Variants in MECOM observed in about 807,000 individuals in gnomAD.
The protein encoded by MECOM is MDS1 and EVI1 complex locus.
A neutral mutation model predicts 116.3 loss-of-function variants in MECOM; 13 were observed. That is an observed-to-expected ratio of 0.11 (90% confidence interval 0.07 to 0.18). The LOEUF is 0.18. Among genes scored for constraint, MECOM ranks in the 10% least tolerant of loss-of-function variants. The pLI is 1.00. For synonymous variants in MECOM, 528 were observed against 535.2 expected, an observed-to-expected ratio of 0.99 and a Z score of 0.19; for missense variants, 1,299 against 1,509.0, an observed-to-expected ratio of 0.86 and a Z score of 2.31.
Position 169,245,236 on chromosome 3 carries a change from T to C in MECOM, c.376-101404A>G, listed in dbSNP as rs571612758. On this transcript the variant is annotated intron_variant, in intron 2 of 16. Transcript: ENST00000651503. ...AAATATAATATTATTAATAGAAGTA[T>C]CAATAATGAAATATGCGAAAAACAA... Among the ~76,000 whole-genome samples, 6 of 152,162 alleles carry C rather than the reference T, an allele frequency of 3.9e-5. No homozygotes were observed. In the South Asian group the frequency reaches 8.3e-4, roughly 21 times the overall value.
intron 2 of MECOM, among the ~76,000 whole-genome samples, chr3:169,175,423 A>T (rs1353110912): frequency 6.6e-6 from 1 of 152,178 alleles, no homozygotes. Flanking sequence ...AATTACTAAA[A>T]ATATTCTATA....
intron 2 of MECOM, among the ~76,000 whole-genome samples, chr3:169,334,038 T>G (rs959426185): frequency 6.6e-6 from 1 of 152,058 alleles, no homozygotes; most frequent in Non-Finnish European, 1.5e-5. Context: ...TTAATAACAC[T>G]TTCTTAAAAA....
At position 169,492,673 on chromosome 3, in the gene MECOM, C is replaced by T. The variant is rs1469911487; in HGVS notation, c.38-111149G>A. On this transcript the variant is annotated intron_variant, in intron 1 of 16. Transcript: ENST00000651503. ...AATGGAGTAACCAGTAAAATTAACT[C>T]ATATTAGGCCCGGCATGGTGTCTCA... Among the ~76,000 whole-genome samples, 3 of 152,142 alleles carry T rather than the reference C, an allele frequency of 2.0e-5. No individual in the cohort carries two copies. In the East Asian group the frequency reaches 5.8e-4, roughly 29 times the overall value.
intron 2 of MECOM, among the ~76,000 whole-genome samples, chr3:169,367,319 G>C (rs542922207): frequency 2.0e-5 from 3 of 150,760 alleles, no homozygotes; most frequent in African/African-American, 7.4e-5. Context: ...CCCCTGTGAT[G>C]TTTCTAGAAA....
intron 2 of MECOM, among the ~76,000 whole-genome samples, chr3:169,341,702 T>C (rs1470637876): frequency 2.1e-5 from 3 of 140,384 alleles, no homozygotes; most frequent in Admixed American, 7.8e-5. Context: ...ATCGCACCAC[T>C]GCACTCCAGC....
At chr3:169,306,483 G>T (rs905216744) in intron 2 of MECOM, among the ~76,000 whole-genome samples, 1 of 152,134 alleles carries the variant, frequency 6.6e-6, no homozygotes, top group Non-Finnish European at 1.5e-5. Context: ...GGAGTTTGAG[G>T]CCAGCCTGGC....
intron 1 of MECOM, among the ~76,000 whole-genome samples, chr3:169,408,528 T>C (rs1481519254): frequency 1.3e-5 from 2 of 152,234 alleles, no homozygotes; most frequent in Non-Finnish European, 2.9e-5. Flanking sequence ...TGAAGAGTTC[T>C]CACTAAGAAG....
In MECOM at chr3:169,322,853, CCAG is replaced by C. The variant is rs1285561216; in HGVS notation, c.375+58331_375+58333del. Among the ~76,000 whole-genome samples the C allele has an allele frequency of 1.3e-4, 20 of 151,750 alleles. 1 individual carries two copies. Among genetic ancestry groups the C allele is most frequent in the African/African-American group, 4.8e-4 (20 of 41,318 alleles). ...TCTCTAATAAAAATACAAAAATTAGCCAGCCATGTTGGCATACACCTGTAATCC... is the reference window on the plus strand; with the variant it reads ...TCTCTAATAAAAATACAAAAATTAGCCCATGTTGGCATACACCTGTAATCC... On this transcript the variant is annotated intron_variant, in intron 2 of 16. Coordinates refer to ENST00000651503, the MANE Select transcript of MECOM (RefSeq NM_004991.4).
chr3:169,474,322 C>A (rs572717228), intron 1 of MECOM, among the ~76,000 whole-genome samples: 2 of 152,296 alleles, frequency 1.3e-5, no homozygotes, highest in South Asian at 4.1e-4. Flanking sequence ...ATGCTCCATA[C>A]TAGAAAAAGC....
At chr3:169,528,867 G>A (rs1758250133) in intron 1 of MECOM, among the ~76,000 whole-genome samples, 1 of 152,162 alleles carries the variant, frequency 6.6e-6, no homozygotes, top group African/African-American at 2.4e-5. Flanking sequence ...TCCAGGAAGG[G>A]GAATTCTATG....
At chr3:169,455,685 T>C (rs2108697212) in intron 1 of MECOM, among the ~76,000 whole-genome samples, 1 of 152,298 alleles carries the variant, frequency 6.6e-6, no homozygotes, top group South Asian at 2.1e-4. Flanking sequence ...CTACAAGCCA[T>C]GCATGGAGCA....
intron 1 of MECOM, among the ~76,000 whole-genome samples, chr3:169,604,961 T>G (rs6763160): frequency 0.26 from 38,799 of 152,074 alleles, 5,527 homozygotes; most frequent in Non-Finnish European, 0.33. Context: ...AGAATGAAAT[T>G]AGTATCTCTT....
chr3:169,112,839 G>A lies in MECOM; in HGVS notation c.2525C>T (p.Ala842Val). The change falls in exon 9 of 17, where the codon GCT becomes GTT. Residue 842 changes from alanine (A) to valine (V), a missense_variant. Around this residue, in one of 6 missense-constraint regions of MECOM, gnomAD observed 340 missense variants for 312.6 expected, o/e 1.09. Transcript: ENST00000651503. ...EKRKLTDPLE[A>V]LKEKYLRPSP... is the part of the protein sequence containing the mutation. Reference sequence around the variant, plus strand: ...AGGCCTCAAGTATTTCTCTTTTAAAGCTTCAAGTGGGTCAGTTAGTTTTCT... The same window carrying A: ...AGGCCTCAAGTATTTCTCTTTTAAAACTTCAAGTGGGTCAGTTAGTTTTCT... The A allele has an allele frequency of 6.2e-7, 1 of 1,613,022 alleles. No homozygotes were observed. The highest frequency in any genetic ancestry group is 8.5e-7 in the Non-Finnish European group (1 of 1,179,360).
chr3:169,448,204 T>G (rs1744972298), intron 1 of MECOM, among the ~76,000 whole-genome samples: 1 of 152,204 alleles, frequency 6.6e-6, no homozygotes, highest in Admixed American at 6.5e-5. Flanking sequence ...AGCTCCTTGA[T>G]CTAATATACT....
At chr3:169,143,598 G>T (rs1738791094) in intron 3 of MECOM, 100 bp downstream of exon 3, 3 of 1,158,412 alleles carry the variant, frequency 2.6e-6, no homozygotes, top group East Asian at 2.7e-5. Context: ...CAACAAACAG[G>T]CCACAAGGGT....
chr3:169,322,682 T>C (rs531069411), intron 2 of MECOM, among the ~76,000 whole-genome samples: 7 of 151,802 alleles, frequency 4.6e-5, no homozygotes, highest in African/African-American at 1.7e-4. Context: ...TAAAGGTAAA[T>C]GATACCAATT....
intron 1 of MECOM, among the ~76,000 whole-genome samples, chr3:169,550,071 G>A (rs1006714184): frequency 2.0e-5 from 3 of 152,154 alleles, no homozygotes; most frequent in Non-Finnish European, 4.4e-5. Context: ...TTTGAATGAT[G>A]AGGAAGGGGA....
At chr3:169,374,527 C>T (rs565601218) in intron 2 of MECOM, among the ~76,000 whole-genome samples, 2 of 152,028 alleles carry the variant, frequency 1.3e-5, no homozygotes, top group South Asian at 4.2e-4. Context: ...GTTAGGGAAG[C>T]TATGTAAATA....
intron 1 of MECOM, among the ~76,000 whole-genome samples, chr3:169,467,523 G>C (rs894767779): frequency 6.9e-6 from 1 of 145,662 alleles, no homozygotes; most frequent in Non-Finnish European, 1.5e-5. Flanking sequence ...TATAGGTGAA[G>C]AAATACATTT....
Sources: allele counts gnomAD v4.1 joint callset (sites outside exome capture counted in the v4.1 genomes callset), GRCh38; gene constraint gnomAD v4.1.1; regional missense constraint gnomAD v4.1.1; transcripts MANE v1.5; gene names NCBI Gene and HGNC (gene_info 2026-07-23, HGNC 2026-07-21).